The following RAB3GAP2 variants were observed in gnomAD, a reference collection of about 807,000 sequenced individuals.
RAB3GAP2 encodes RAB3 GTPase activating non-catalytic protein subunit 2, also known as rab3 GTPase-activating protein non-catalytic subunit.
RAB3GAP2 carries 87 observed loss-of-function variants against 185.3 expected under a neutral mutation model. The observed-to-expected ratio is 0.47, with a 90% CI of 0.39 to 0.56. RAB3GAP2 has a LOEUF of 0.56. RAB3GAP2 is among the 20% of genes least tolerant of loss of function. RAB3GAP2 has a pLI of 0.00. For missense variants in RAB3GAP2, 1,492 were observed against 1,638.2 expected, an observed-to-expected ratio of 0.91 and a Z score of 1.54; for synonymous variants, 554 against 576.1, an observed-to-expected ratio of 0.96 and a Z score of 0.55.
At chr1:220,199,183 A>G (rs111530195) in intron 9 of RAB3GAP2, among the ~76,000 whole-genome samples, 3 of 152,236 alleles carry the variant, frequency 2.0e-5, no homozygotes, top group African/African-American at 7.2e-5. Context: ...AAAAAGGAGG[A>G]GCAAGTTTGA....
intron 28 of RAB3GAP2, among the ~76,000 whole-genome samples, chr1:220,160,165 A>G (rs1408908984): frequency 6.6e-6 from 1 of 152,238 alleles, no homozygotes; most frequent in African/African-American, 2.4e-5. Context: ...TGGGAGTTAT[A>G]TTCCTAGCCC....
chr1:220,188,891 T>C (rs1658555802), intron 17 of RAB3GAP2, among the ~76,000 whole-genome samples: 1 of 152,058 alleles, frequency 6.6e-6, no homozygotes, highest in Admixed American at 6.6e-5. Context: ...CCAATATGAA[T>C]GACACAGAAA....
chr1:220,249,346 G>A (rs915055734), intron 1 of RAB3GAP2, among the ~76,000 whole-genome samples: 1 of 152,154 alleles, frequency 6.6e-6, no homozygotes, highest in African/African-American at 2.4e-5. Flanking sequence ...CAAACTTCTT[G>A]GGAACTGGAG....
intron 1 of RAB3GAP2, among the ~76,000 whole-genome samples, chr1:220,241,430 C>T (rs1659695101): frequency 6.6e-6 from 1 of 151,992 alleles, no homozygotes; most frequent in East Asian, 1.9e-4. Context: ...AAATTCATTT[C>T]CGTTCTTCTG....
chr1:220,261,262 G>T (rs966965301), intron 1 of RAB3GAP2, among the ~76,000 whole-genome samples: 23 of 152,112 alleles, frequency 1.5e-4, no homozygotes, highest in African/African-American at 5.1e-4. Context: ...GGAGTTTCAA[G>T]AATTCTTCTC....
At position 220,153,291 on chromosome 1, in the gene RAB3GAP2, G is replaced by C; in HGVS notation, c.3761C>G (p.Ala1254Gly). The C allele has an allele frequency of 6.2e-7, 1 of 1,614,140 alleles. No homozygotes were observed. The highest frequency in any genetic ancestry group is 1.7e-4 in the Middle Eastern group (1 of 6,060). ...TPFGKDQDWPALAVDLAHHLQ... is the reference protein window; with the variant it reads ...TPFGKDQDWPGLAVDLAHHLQ... ...GTGATGGGCTAAATCCACAGCTAGA[G>C]CTGGCCAATCTTGGTCTTTCCCAAA... Residue 1254 changes from alanine to glycine, a missense_variant, in exon 33 of 35, where the codon GCT (alanine) becomes GGT (glycine). Around this residue, in one of 5 missense-constraint regions of RAB3GAP2, gnomAD observed 387 missense variants for 455.3 expected, o/e 0.85. Transcript: ENST00000358951.
At position 220,193,305 on chromosome 1, in the gene RAB3GAP2, G is replaced by C. The variant is rs763764406; in HGVS notation, c.1205C>G (p.Thr402Arg). 2.0e-5 allele frequency: 32 copies of C among 1,613,836 alleles called. No individual in the cohort carries two copies. The East Asian group carries it at 6.9e-4, about 35-fold the overall frequency. The change falls in exon 13 of 35, where the codon ACA becomes AGA. Residue 402 changes from threonine to arginine, a missense_variant. Around this residue, in one of 5 missense-constraint regions of RAB3GAP2, gnomAD observed 681 missense variants for 689.1 expected, o/e 0.99. Transcript: ENST00000358951. ...TAAAATAACTCTGCCGAAATCATCTGTTACTGCTGCCAGTGTGTTACATGG... is the reference window on the plus strand; with the variant it reads ...TAAAATAACTCTGCCGAAATCATCTCTTACTGCTGCCAGTGTGTTACATGG... Reference protein sequence around the residue: ...LSPCNTLAAVTDDFGRVILLD... With the variant: ...LSPCNTLAAVRDDFGRVILLD...
chr1:220,266,748 G>C (rs1182796109), intron 1 of RAB3GAP2: 1 of 1,587,934 alleles, frequency 6.3e-7, no homozygotes, highest in Non-Finnish European at 8.6e-7. Context: ...CAATTTGATG[G>C]TTTTGATGAA....
chr1:220,260,253 G>A (rs1239316983), intron 1 of RAB3GAP2, among the ~76,000 whole-genome samples: 2 of 152,122 alleles, frequency 1.3e-5, no homozygotes, highest in African/African-American at 2.4e-5. Flanking sequence ...ATACCCAAAG[G>A]AATATAAATA....
At chr1:220,211,240 G>A in intron 4 of RAB3GAP2, 3 of 655,808 alleles carry the variant, frequency 4.6e-6, no homozygotes, top group Non-Finnish European at 2.8e-6. Flanking sequence ...TTTTCACTCT[G>A]TATTGTCATG....
In RAB3GAP2 at chr1:220,153,227, C is replaced by A. The variant is rs940729257; in HGVS notation, c.3825G>T (p.Val1275=). 2 of 1,613,966 alleles carry A rather than the reference C, an allele frequency of 1.2e-6. No individual in the cohort carries two copies. The highest frequency in any genetic ancestry group is 1.7e-6 in the Non-Finnish European group (2 of 1,179,970). Residue 1275 remains valine (V), a synonymous_variant, in exon 33 of 35, where the codon GTG becomes GTT. Coordinates refer to ENST00000358951, the MANE Select transcript of RAB3GAP2 (RefSeq NM_012414.4). ...CAACTCCATAGTTGTATAGTTCCCC[C>A]ACATAATGCCTTCTAACAACATCTT... ...VSEDVVRRHY[V]GELYNYGVDH...
intron 1 of RAB3GAP2, chr1:220,267,143 G>T: frequency 8.1e-7 from 1 of 1,236,410 alleles, no homozygotes; most frequent in Non-Finnish European, 1.2e-6. Context: ...AAGTTCTCTG[G>T]CTTAATGTCT....
intron 21 of RAB3GAP2, among the ~76,000 whole-genome samples, chr1:220,180,527 G>C (rs1658383517): frequency 6.6e-6 from 1 of 152,084 alleles, no homozygotes; most frequent in Non-Finnish European, 1.5e-5. Context: ...TATGCCAACA[G>C]CAGTAGAGAA....
chr1:220,225,482 TGAAAGATGCTTAGCA>T (rs1659387330), intron 2 of RAB3GAP2, among the ~76,000 whole-genome samples: 1 of 152,110 alleles, frequency 6.6e-6, no homozygotes, highest in Admixed American at 6.5e-5. Context: ...TTCTGTGCAT[TGAAAGATGCTTAGCA>T]GAATTATTGG....
At chr1:220,230,438 G>A (rs917550669) in intron 2 of RAB3GAP2, among the ~76,000 whole-genome samples, 3 of 152,258 alleles carry the variant, frequency 2.0e-5, no homozygotes, top group Admixed American at 6.5e-5. Flanking sequence ...GGTGTTGTTC[G>A]CGGAGGTGCT....
chr1:220,171,911 G>A lies in RAB3GAP2; in HGVS notation c.2555C>T (p.Ser852Leu). Residue 852 changes from serine to leucine, a missense_variant, in exon 23 of 35, where the codon TCA becomes TTA. Transcript: ENST00000358951. ...HVGHSVAAQI[S>L]NNMTEKKFSQ... ...TACTTTTTTCTCTGTCATGTTGTTT[G>A]ATATCTGTGCAGCAACAGAATGCCC... The A allele has an allele frequency of 6.2e-7, 1 of 1,614,024 alleles. No homozygotes were observed.
rs1188637487 is a variant in RAB3GAP2, at chr1:220,158,511, G to C, written c.3262-635C>G. On this transcript the variant is annotated intron_variant, in intron 29 of 34. Coordinates refer to ENST00000358951, the MANE Select transcript of RAB3GAP2 (RefSeq NM_012414.4). This position sits in a 1 kb window ranked among gnomAD's most constrained non-coding sequence, Gnocchi z 4.3. ...GCTGGAGTACAGTGGCACGATCTCG[G>C]CTCACTGCAACCTCCACCTCCCAGG... 6.6e-6 allele frequency among the ~76,000 whole-genome samples: 1 copy of C among 151,860 alleles called. No individual in the cohort carries two copies. Among genetic ancestry groups the C allele is most frequent in the Non-Finnish European group, 1.5e-5 (1 of 67,976 alleles).
chr1:220,154,028 A>G lies in RAB3GAP2; in HGVS notation c.3585T>C (p.Thr1195=). 1 of 1,613,666 alleles carries G rather than the reference A, an allele frequency of 6.2e-7. No homozygotes were observed. The highest frequency in any genetic ancestry group is 8.5e-7 in the Non-Finnish European group (1 of 1,179,802). Residue 1195 remains threonine (T), a synonymous_variant, in exon 32 of 35, where the codon ACT becomes ACC. Coordinates refer to ENST00000358951, the MANE Select transcript of RAB3GAP2 (RefSeq NM_012414.4). ...KGKNAFFKDL[T]SIQLLPSGEM... ...CCCCACTAGGTAATAACTGAATTGAAGTTAGGTCTTTGAAAAATGCATTTT... is the reference window on the plus strand; with the variant it reads ...CCCCACTAGGTAATAACTGAATTGAGGTTAGGTCTTTGAAAAATGCATTTT...
At chr1:220,271,429 T>C (rs1278449235) in intron 1 of RAB3GAP2, among the ~76,000 whole-genome samples, 9 of 152,240 alleles carry the variant, frequency 5.9e-5, no homozygotes, top group South Asian at 2.1e-4. Flanking sequence ...TGAAAGCCTA[T>C]ATAGTATCTA....
Sources: allele counts gnomAD v4.1 joint callset (sites outside exome capture counted in the v4.1 genomes callset), GRCh38; gene constraint gnomAD v4.1.1; regional missense constraint gnomAD v4.1.1; non-coding constraint Gnocchi (gnomAD v3.1); transcripts MANE v1.5; gene names NCBI Gene and HGNC (gene_info 2026-07-23, HGNC 2026-07-21).